AGBL1: variants seen among roughly 807,000 people sequenced by gnomAD.
AGBL1 encodes cytosolic carboxypeptidase 4.
A neutral mutation model predicts 118.9 loss-of-function variants in AGBL1; 130 were observed. That is an observed-to-expected ratio of 1.09 (90% CI 0.95 to 1.26). AGBL1 has a LOEUF of 1.26. Among genes scored for constraint, AGBL1 ranks in the 50% most tolerant of loss-of-function variants. The pLI, the probability that AGBL1 is intolerant of heterozygous loss-of-function variation, is 0.00. For missense variants in AGBL1, 1,584 were observed against 1,298.1 expected, an observed-to-expected ratio of 1.22 and a Z score of -3.38; for synonymous variants, 555 against 478.9, an observed-to-expected ratio of 1.16 and a Z score of -2.08.
intron 22 of AGBL1, among the ~76,000 whole-genome samples, chr15:86,847,563 G>A (rs949366414): frequency 1.3e-5 from 2 of 152,108 alleles, no homozygotes; most frequent in Admixed American, 6.5e-5. Flanking sequence ...TAAAGGCCAC[G>A]CAGTTATGCA....
In AGBL1 at chr15:86,169,836, G is replaced by C. The variant is rs146948515; in HGVS notation, c.488+10810G>C. ...TAGACTGAGCGTTAGCTGTAGACCA[G>C]GGCTCTGGTCCTGCCAAACAAATAT... On this transcript the variant is annotated intron_variant, in intron 5 of 22. Coordinates refer to ENST00000614907, the MANE Select transcript of AGBL1 (RefSeq NM_001386094.1). 9.5e-3 allele frequency among the ~76,000 whole-genome samples: 1,444 copies of C among 152,286 alleles called. 28 individuals carry two copies. The highest frequency in any genetic ancestry group is 0.033 in the African/African-American group (1,390 of 41,544).
chr15:86,596,906 C>T (rs2084415979), intron 21 of AGBL1, among the ~76,000 whole-genome samples: 1 of 152,114 alleles, frequency 6.6e-6, no homozygotes, highest in Non-Finnish European at 1.5e-5. Flanking sequence ...CTCCTATTAA[C>T]ATTTAGTCTT....
At chr15:86,221,553 C>A (rs899685206) in intron 5 of AGBL1, among the ~76,000 whole-genome samples, 1 of 152,166 alleles carries the variant, frequency 6.6e-6, no homozygotes, top group Non-Finnish European at 1.5e-5. Context: ...AGTGGACCAG[C>A]GCTGCAGACA....
Position 86,633,865 on chromosome 15 carries a change from GTATATATATAATGTA to G in AGBL1, c.2995-40397_2995-40383del, listed in dbSNP as rs1271087460. Among the ~76,000 whole-genome samples the G allele has an allele frequency of 6.9e-4, 71 of 102,902 alleles. 1 individual carries two copies. The highest frequency in any genetic ancestry group is 3.3e-3 in the South Asian group (9 of 2,720). The allele number at this position is 102,902 out of a possible 152,430, so 67.5% of individuals were successfully genotyped here. On this transcript the variant is annotated intron_variant, in intron 21 of 22. Transcript: ENST00000614907. ...TATATAATGTATATATATATATAAT[GTATATATATAATGTA>G]TATATATATATATAATGTATATATA...
intron 17 of AGBL1, among the ~76,000 whole-genome samples, chr15:86,381,301 A>C (rs1381269441): frequency 6.6e-6 from 1 of 152,234 alleles, no homozygotes; most frequent in African/African-American, 2.4e-5. Flanking sequence ...TGACATTCTT[A>C]TGAATACTAA....
At chr15:86,522,704 G>A in intron 18 of AGBL1, 106 bp from the exon 19 acceptor site, 5 of 1,375,030 alleles carry the variant, frequency 3.6e-6, no homozygotes, top group Non-Finnish European at 4.9e-6. Flanking sequence ...GAAATCAGAG[G>A]AAAGTTTTGA....
intron 21 of AGBL1, chr15:86,556,317 T>C: frequency 6.3e-7 from 1 of 1,575,412 alleles, no homozygotes. Flanking sequence ...TGTGAAATTT[T>C]CCAAATGGCT....
At chr15:86,917,331 C>T (rs754006120), downstream of AGBL1, among the ~76,000 whole-genome samples, 7 of 152,198 alleles carry the variant, frequency 4.6e-5, no homozygotes, top group South Asian at 2.1e-4. The surrounding 1 kb of genome is among the most constrained non-coding windows in gnomAD (Gnocchi z 4.8). Flanking sequence ...CTGCCCTCAT[C>T]GACCTTGTCT....
intron 24 of AGBL1, among the ~76,000 whole-genome samples, chr15:86,998,462 C>T (rs2081400324): frequency 6.6e-6 from 1 of 152,152 alleles, no homozygotes; most frequent in Non-Finnish European, 1.5e-5. Context: ...GATACTTTCC[C>T]AGCTGAGACT....
intron 21 of AGBL1, among the ~76,000 whole-genome samples, chr15:86,557,062 G>T (rs925969505): frequency 1.3e-5 from 2 of 152,104 alleles, no homozygotes; most frequent in South Asian, 2.1e-4. Context: ...CCAGTCTATA[G>T]TTGGCTAATT....
intron 18 of AGBL1, among the ~76,000 whole-genome samples, chr15:86,489,276 G>A (rs367552032): frequency 1.3e-5 from 2 of 152,044 alleles, no homozygotes; most frequent in African/African-American, 2.4e-5. Context: ...ACAGTGCCTG[G>A]CATAAAAATA....
At chr15:86,875,295 C>T (rs1464297703) in intron 22 of AGBL1, among the ~76,000 whole-genome samples, 1 of 152,220 alleles carries the variant, frequency 6.6e-6, no homozygotes, top group Non-Finnish European at 1.5e-5. Context: ...AATGTGTCTG[C>T]TACCTGGGAC....
chr15:86,404,884 C>T (rs998845079), intron 18 of AGBL1, among the ~76,000 whole-genome samples: 1 of 152,150 alleles, frequency 6.6e-6, no homozygotes, highest in African/African-American at 2.4e-5. Flanking sequence ...GTTATTCCCA[C>T]TGTTAATCAT....
chr15:86,953,983 A>C (rs933401039), intron 23 of AGBL1, among the ~76,000 whole-genome samples: 2 of 152,200 alleles, frequency 1.3e-5, no homozygotes, highest in Admixed American at 1.3e-4. Flanking sequence ...ATTTGAAAAA[A>C]TGCTCCTCAT....
At chr15:86,119,655 TTG>T (rs59997626) in intron 1 of AGBL1, among the ~76,000 whole-genome samples, 22,749 of 148,352 alleles carry the variant, frequency 0.15, 1,883 homozygotes, top group Non-Finnish European at 0.2. Flanking sequence ...GAAAAGTAGT[TTG>T]TGTGTGTGTG....
intron 22 of AGBL1, among the ~76,000 whole-genome samples, chr15:86,752,380 A>G (rs1188330523): frequency 6.6e-6 from 1 of 152,102 alleles, no homozygotes; most frequent in Non-Finnish European, 1.5e-5. Context: ...TGTTTCTGAA[A>G]TGTGTCTTAA....
chr15:86,662,237 T>C (rs1391049933), intron 21 of AGBL1, among the ~76,000 whole-genome samples: 3 of 152,274 alleles, frequency 2.0e-5, no homozygotes, highest in Non-Finnish European at 2.9e-5. Flanking sequence ...CCTCTGTGTG[T>C]AATATTACAT....
At chr15:86,307,400 T>G (rs1230689763) in intron 17 of AGBL1, among the ~76,000 whole-genome samples, 1 of 152,198 alleles carries the variant, frequency 6.6e-6, no homozygotes, top group Non-Finnish European at 1.5e-5. Context: ...TGGGAACATT[T>G]TCTCCCTGTC....
intron 21 of AGBL1, among the ~76,000 whole-genome samples, chr15:86,666,923 A>G (rs1211190708): frequency 2.0e-5 from 3 of 152,170 alleles, no homozygotes; most frequent in Admixed American, 2.0e-4. Context: ...GCCTGTGTTT[A>G]CACACACCAT....
Sources: allele counts gnomAD v4.1 joint callset (sites outside exome capture counted in the v4.1 genomes callset), GRCh38; gene constraint gnomAD v4.1.1; non-coding constraint Gnocchi (gnomAD v3.1); transcripts MANE v1.5; gene names NCBI Gene and HGNC (gene_info 2026-07-23, HGNC 2026-07-21).